CTDNEP1: variants seen among roughly 807,000 people sequenced by gnomAD.
CTDNEP1 encodes CTD nuclear envelope phosphatase 1.
CTDNEP1 carries 3 observed loss-of-function variants against 30.1 expected under a neutral mutation model. The observed-to-expected ratio is 0.10, with a 90% CI of 0.05 to 0.26. The LOEUF (loss-of-function observed/expected upper bound fraction) is 0.26, where lower values mean the gene tolerates loss of function less well. CTDNEP1 is among the 10% of genes least tolerant of loss of function. The pLI is 1.00. For synonymous variants in CTDNEP1, 123 were observed against 118.8 expected (o/e 1.04, Z -0.23); for missense variants, 158 against 310.4 (o/e 0.51, Z 3.69).
Position 7,246,424 on chromosome 17 carries a change from A to C in CTDNEP1, c.361-54T>G. 1 of 1,268,090 alleles carries C rather than the reference A, an allele frequency of 7.9e-7. No individual in the cohort carries two copies. The highest frequency in any genetic ancestry group is 1.1e-6 in the Non-Finnish European group (1 of 869,796). The allele number at this position is 1,268,090 out of a possible 1,614,324, so 78.6% of individuals were successfully genotyped here. A position where few individuals can be genotyped will look rare whatever the true frequency, so the allele number is the denominator to read the frequency against. On this transcript the variant is annotated intron_variant, in intron 4 of 7. Transcript: ENST00000574322. This position sits in a 1 kb window ranked among gnomAD's most constrained non-coding sequence, Gnocchi z 4.9. ...CCATACAAGGTGATGATTCCTTTAGACATACAGTTATCTTTCAGAAAGGCA... is the reference window on the plus strand; with the variant it reads ...CCATACAAGGTGATGATTCCTTTAGCCATACAGTTATCTTTCAGAAAGGCA...
At chr17:7,247,792 A>C (rs2654186) in intron 1 of CTDNEP1, among the ~76,000 whole-genome samples, 105,771 of 151,654 alleles carry the variant, frequency 0.7, 37,562 homozygotes, top group African/African-American at 0.84. Flanking sequence ...CAAAACAACC[A>C]TAATATTACT....
In CTDNEP1 at chr17:7,244,082, C is replaced by G. The variant is rs375061566; in HGVS notation, c.*103G>C. ...GCAGAGAGGGGTGGGAGGGGCAGACCCTGCCCAGGCAGTCCTCACATTGGA... is the reference window on the plus strand; with the variant it reads ...GCAGAGAGGGGTGGGAGGGGCAGACGCTGCCCAGGCAGTCCTCACATTGGA... On this transcript the variant is annotated 3_prime_UTR_variant, in exon 8 of 8. Coordinates refer to ENST00000574322, the MANE Select transcript of CTDNEP1 (RefSeq NM_001143775.2). 41 of 1,553,036 alleles carry G rather than the reference C, an allele frequency of 2.6e-5. No homozygotes were observed. The African/African-American group carries it at 5.3e-4, about 20-fold the overall frequency.
rs1189989394 is a variant in CTDNEP1, at chr17:7,243,634, G to GA, written c.*550dup. The stretch of plus-strand genomic sequence containing the variant: ...ATGCATGGTTTAAAAGAGAGAAAAG[G>GA]AAAAAAGACACAAAGCTGGTTACAG... On this transcript the variant is annotated 3_prime_UTR_variant, in exon 8 of 8. Transcript: ENST00000574322. 3 of 153,632 alleles carry GA rather than the reference G, an allele frequency of 2.0e-5. No homozygotes were observed. The highest frequency in any genetic ancestry group is 2.9e-5 in the Non-Finnish European group (2 of 68,902). 9.5% of individuals were successfully genotyped at this position (153,632 alleles called of 1,614,324 possible).
chr17:7,249,675 C>G (rs933735551), intron 1 of CTDNEP1, among the ~76,000 whole-genome samples: 1 of 152,170 alleles, frequency 6.6e-6, no homozygotes, highest in East Asian at 1.9e-4. Flanking sequence ...TTTTGTGAGG[C>G]CAAGGCGGGC....
At chr17:7,244,749 G>A (rs2071815526) in intron 6 of CTDNEP1, 114 bp from the exon 7 acceptor site, 1 of 791,074 alleles carries the variant, frequency 1.3e-6, no homozygotes. Context: ...CCCACTACCG[G>A]AAGTCAACAA....
chr17:7,245,352 C>G lies in CTDNEP1; in HGVS notation c.589+674G>C, dbSNP rs940050278. ...TGGTGGTGCACGCCTGTAGTCCCAA[C>G]TACTGAGAGGCTGAGGCAGAAGGAT... On this transcript the variant is annotated intron_variant, in intron 6 of 7. Transcript: ENST00000574322. Among the ~76,000 whole-genome samples the G allele has an allele frequency of 1.5e-4, 22 of 151,546 alleles. 1 individual carries two copies. Among genetic ancestry groups the G allele is most frequent in the Admixed American group, 2.6e-4 (4 of 15,222 alleles).
intron 1 of CTDNEP1, among the ~76,000 whole-genome samples, chr17:7,249,400 A>C (rs1412185681): frequency 6.6e-6 from 1 of 152,090 alleles, no homozygotes; most frequent in African/African-American, 2.4e-5. Flanking sequence ...CGGGTTGCAT[A>C]TGCTGGGCAT....
chr17:7,244,423 C>G (rs1260920891), intron 7 of CTDNEP1, 128 bp downstream of exon 7: 3 of 1,209,438 alleles, frequency 2.5e-6, no homozygotes, highest in Non-Finnish European at 3.6e-6. Flanking sequence ...GTAAGACGAC[C>G]TGGGTCCAAA....
intron 1 of CTDNEP1, among the ~76,000 whole-genome samples, chr17:7,249,667 T>C (rs2071887231): frequency 6.6e-6 from 1 of 152,174 alleles, no homozygotes; most frequent in Non-Finnish European, 1.5e-5. Context: ...CCCAGTACTT[T>C]TGTGAGGCCA....
Position 7,243,983 on chromosome 17 carries a change from T to C in CTDNEP1, c.*202A>G. ...TTTCCATGGAGTGTGAACACGAAGT[T>C]AAGAGTGAGGCTGCTTCAGAGCCCC... On this transcript the variant is annotated 3_prime_UTR_variant, in exon 8 of 8. Transcript: ENST00000574322. The C allele has an allele frequency of 7.2e-7, 1 of 1,394,070 alleles. No homozygotes were observed. Among genetic ancestry groups the C allele is most frequent in the Non-Finnish European group, 9.3e-7 (1 of 1,072,900 alleles). 86.4% of individuals were successfully genotyped at this position (1,394,070 alleles called of 1,614,324 possible).
rs1597578070 is a variant in CTDNEP1, at chr17:7,251,714, G to A, written c.-418C>T. The A allele has an allele frequency of 6.5e-6, 1 of 153,668 alleles. No homozygotes were observed. Among genetic ancestry groups the A allele is most frequent in the African/African-American group, 2.4e-5 (1 of 41,422 alleles). The allele number at this position is 153,668 out of a possible 1,614,324, so 9.5% of individuals were successfully genotyped here. A position where few individuals can be genotyped will look rare whatever the true frequency, so the allele number is the denominator to read the frequency against. The stretch of plus-strand genomic sequence containing the variant: ...GGGGGAAAGCAGAGAGTGGCCCGCT[G>A]CGCAGGCGCGCTAGGGGGCTGCTCG... On this transcript the variant is annotated 5_prime_UTR_variant, in exon 1 of 8. Coordinates refer to ENST00000574322, the MANE Select transcript of CTDNEP1 (RefSeq NM_001143775.2).
intron 1 of CTDNEP1, among the ~76,000 whole-genome samples, chr17:7,249,499 G>A (rs1026837148): frequency 6.6e-6 from 1 of 152,244 alleles, no homozygotes; most frequent in Non-Finnish European, 1.5e-5. Flanking sequence ...TATGGGGTCA[G>A]TGCTGCCCAA....
intron 7 of CTDNEP1, 55 bp downstream of exon 7, chr17:7,244,496 C>T (rs1445234678): frequency 4.1e-6 from 6 of 1,468,786 alleles, no homozygotes; most frequent in Non-Finnish European, 5.7e-6. Flanking sequence ...CTCTGAGGAT[C>T]CCCCACCTCC....
At position 7,246,536 on chromosome 17, in the gene CTDNEP1, AGT is replaced by A. The variant is rs1278644933; in HGVS notation, c.361-168_361-167del. On this transcript the variant is annotated intron_variant, in intron 4 of 7. Coordinates refer to ENST00000574322, the MANE Select transcript of CTDNEP1 (RefSeq NM_001143775.2). This position sits in a 1 kb window ranked among gnomAD's most constrained non-coding sequence, Gnocchi z 4.9. ...ACCCCCAGCCCAAACCTCCAAACTC[AGT>A]GTTAGGCATCCTACACTCTTATGAT... 18 of 646,250 alleles carry A rather than the reference AGT, an allele frequency of 2.8e-5. No individual in the cohort carries two copies. In the East Asian group the frequency reaches 4.7e-4, roughly 17 times the overall value. The allele number at this position is 646,250 out of a possible 1,614,324, so 40.0% of individuals were successfully genotyped here.
chr17:7,251,477 G>C lies in CTDNEP1; in HGVS notation c.-181C>G. On this transcript the variant is annotated 5_prime_UTR_variant, in exon 1 of 8. Transcript: ENST00000574322. ...CCCCTGGCGAGGGTAAAGCCCAGCG[G>C]AACGGGGAGCTGGGGGACAGGCGTG... 2.4e-6 allele frequency: 1 copy of C among 421,058 alleles called. No homozygotes were observed. Among genetic ancestry groups the C allele is most frequent in the Non-Finnish European group, 4.1e-6 (1 of 242,572 alleles). The allele number at this position is 421,058 out of a possible 1,614,324, so 26.1% of individuals were successfully genotyped here. A position where few individuals can be genotyped will look rare whatever the true frequency, so the allele number is the denominator to read the frequency against.
chr17:7,247,004 A>C (rs943690550), intron 3 of CTDNEP1, 60 bp downstream of exon 3: 35 of 1,435,848 alleles, frequency 2.4e-5, no homozygotes, highest in Non-Finnish European at 3.0e-5. Flanking sequence ...TGGGAAAGGG[A>C]GTCCAGGTTT....
At chr17:7,245,846 T>C (rs1473922697) in intron 6 of CTDNEP1, among the ~76,000 whole-genome samples, 180 bp downstream of exon 6, 2 of 152,200 alleles carry the variant, frequency 1.3e-5, no homozygotes, top group Non-Finnish European at 2.9e-5. Context: ...ATCCGACTTA[T>C]GAAATGGACA....
chr17:7,244,378 C>T, intron 7 of CTDNEP1, 133 bp from the exon 8 acceptor site: 1 of 1,214,178 alleles, frequency 8.2e-7, no homozygotes, highest in Non-Finnish European at 1.2e-6. Flanking sequence ...GTTCAATTTG[C>T]CCACAGCCTA....
chr17:7,243,977 C>T lies in CTDNEP1; in HGVS notation c.*208G>A. On this transcript the variant is annotated 3_prime_UTR_variant, in exon 8 of 8. Transcript: ENST00000574322. ...CTGGGGTTTCCATGGAGTGTGAACA[C>T]GAAGTTAAGAGTGAGGCTGCTTCAG... 2.2e-6 allele frequency: 3 copies of T among 1,387,462 alleles called. No homozygotes were observed. The highest frequency in any genetic ancestry group is 2.7e-5 in the East Asian group (1 of 36,856). 85.9% of individuals were successfully genotyped at this position (1,387,462 alleles called of 1,614,324 possible).
Sources: gnomAD v4.1 joint callset for allele counts (sites outside exome capture counted in the v4.1 genomes callset) on GRCh38, gnomAD v4.1.1 for gene constraint, Gnocchi (gnomAD v3.1) non-coding constraint, MANE v1.5 for transcripts, NCBI Gene and HGNC (gene_info 2026-07-23, HGNC 2026-07-21) for gene names.